Variants in TLE2 observed in about 807,000 individuals in gnomAD.
TLE2 encodes the protein TLE family member 2, transcriptional corepressor, also known as transducin-like enhancer protein 2.
Under a neutral mutation model 97.2 loss-of-function variants are expected in TLE2, and 74 were observed. The ratio of observed to expected loss-of-function variants is 0.76; its 90% CI spans 0.63 to 0.92. TLE2 has a LOEUF of 0.92. Among genes scored for constraint, TLE2 ranks in the 40% least tolerant of loss-of-function variants. The pLI is 0.00. For synonymous variants in TLE2, 499 were observed against 432.1 expected (o/e 1.15, Z -1.92); for missense variants, 1,038 against 1,008.7 (o/e 1.03, Z -0.39).
chr19:3,045,408 G>A, intron 1 of TLE2, among the ~76,000 whole-genome samples: 1 of 152,166 alleles, frequency 6.6e-6, no homozygotes, highest in Non-Finnish European at 1.5e-5. Context: ...TCCAAGGTCA[G>A]CCCTGCCTCA....
chr19:3,026,454 T>TAAAA (rs1568249444), intron 4 of TLE2, among the ~76,000 whole-genome samples: 5 of 104,538 alleles, frequency 4.8e-5, no homozygotes, highest in African/African-American at 2.0e-4. Context: ...GTCTCAAAAT[T>TAAAA]TAAAAAAAAA....
At position 3,013,741 on chromosome 19, in the gene TLE2, G is replaced by A; in HGVS notation, c.801C>T (p.Asp267=). ...CCAAGGAGGCTGGACTGTCCACCAGGTCCCGACGGGCAGGAATGCAGATGG... is the reference window on the plus strand; with the variant it reads ...CCAAGGAGGCTGGACTGTCCACCAGATCCCGACGGGCAGGAATGCAGATGG... The part of the protein sequence containing the change: ...KVPICIPARR[D]LVDSPASLAS... Residue 267 remains aspartate, a synonymous_variant, in exon 11 of 20, where the codon GAC becomes GAT. Transcript: ENST00000262953. The A allele has an allele frequency of 1.3e-6, 2 of 1,562,544 alleles. No individual in the cohort carries two copies. Among genetic ancestry groups the A allele is most frequent in the Non-Finnish European group, 1.7e-6 (2 of 1,156,526 alleles).
chr19:3,019,639 G>C lies in TLE2; in HGVS notation c.369+60C>G. 1 of 1,572,926 alleles carries C rather than the reference G, an allele frequency of 6.4e-7. No individual in the cohort carries two copies. Among genetic ancestry groups the C allele is most frequent in the Non-Finnish European group, 8.6e-7 (1 of 1,158,998 alleles). ...CCCAGCTTTAACACCTCCTGGGTGGGTGCCAGGGACCTGGGAGTGGGCGTC... is the reference window on the plus strand; with the variant it reads ...CCCAGCTTTAACACCTCCTGGGTGGCTGCCAGGGACCTGGGAGTGGGCGTC... On this transcript the variant is annotated intron_variant, in intron 6 of 19. Transcript: ENST00000262953. This position sits in a 1 kb window ranked among gnomAD's most constrained non-coding sequence, Gnocchi z 5.1.
intron 3 of TLE2, 46 bp downstream of exon 3, chr19:3,028,273 G>A (rs763262572): frequency 1.3e-6 from 2 of 1,566,494 alleles, no homozygotes; most frequent in Non-Finnish European, 1.7e-6. Context: ...GTGACTCAAA[G>A]CCCTGCCCGC....
At chr19:3,009,887 C>CTCTTTTTT (rs764492373) in intron 12 of TLE2, among the ~76,000 whole-genome samples, 185 bp from the exon 13 acceptor site, 21,024 of 147,882 alleles carry the variant, frequency 0.14, 1,617 homozygotes, top group East Asian at 0.22. Flanking sequence ...TTCTCTCTCT[C>CTCTTTTTT]TTTTTTTCTT....
intron 9 of TLE2, among the ~76,000 whole-genome samples, chr19:3,015,275 C>T (rs1042772992): frequency 5.3e-5 from 8 of 152,122 alleles, no homozygotes; most frequent in Admixed American, 3.9e-4. Flanking sequence ...AGTGTGCAGC[C>T]GTCTGGCAAT....
At position 3,019,470 on chromosome 19, in the gene TLE2, G is replaced by T. The variant is rs1406683886; in HGVS notation, c.370-7C>A. Reference sequence around the variant, plus strand: ...ACAGCGGCTGGAGCTGCTGCTGCTAGAAAGGAGGCAGGATGGGCCGGGGCG... The same window carrying T: ...ACAGCGGCTGGAGCTGCTGCTGCTATAAAGGAGGCAGGATGGGCCGGGGCG... On this transcript the variant is annotated splice_region_variant and splice_polypyrimidine_tract_variant and intron_variant, in intron 6 of 19. Transcript: ENST00000262953. This position sits in a 1 kb window ranked among gnomAD's most constrained non-coding sequence, Gnocchi z 5.1. The T allele has an allele frequency of 1.3e-6, 2 of 1,509,776 alleles. No homozygotes were observed. Among genetic ancestry groups the T allele is most frequent in the South Asian group, 2.5e-5 (2 of 79,654 alleles). 93.5% of individuals were successfully genotyped at this position (1,509,776 alleles called of 1,614,324 possible).
intron 17 of TLE2, among the ~76,000 whole-genome samples, chr19:3,003,080 C>A (rs574354961): frequency 5.7e-4 from 83 of 145,620 alleles, no homozygotes; most frequent in African/African-American, 2.3e-3. Context: ...CTCTTCAGCA[C>A]CCCCCTAGAG....
rs1310451880 is a variant in TLE2 at position 3,005,709 on chromosome 19, C to T, written c.1748+12G>A. 2 of 1,610,988 alleles carry T rather than the reference C, an allele frequency of 1.2e-6. No individual in the cohort carries two copies. The highest frequency in any genetic ancestry group is 2.7e-5 in the African/African-American group (2 of 74,856). On this transcript the variant is annotated intron_variant, in intron 16 of 19. Transcript: ENST00000262953. ...GGGGCTTGCCCAAGGTCCCAGCGCA[C>T]CTGCCACCCACCTGACCATAGTCTG...
At chr19:3,013,492 G>A (rs1283902353) in intron 11 of TLE2, among the ~76,000 whole-genome samples, 177 bp downstream of exon 11, 1 of 151,920 alleles carries the variant, frequency 6.6e-6, no homozygotes, top group African/African-American at 2.4e-5. Context: ...TATTTACTGA[G>A]GTTCAACAAA....
intron 17 of TLE2, among the ~76,000 whole-genome samples, chr19:3,004,728 T>C (rs1467036848): frequency 6.6e-6 from 1 of 151,590 alleles, no homozygotes; most frequent in Non-Finnish European, 1.5e-5. Flanking sequence ...GTTTGCCAAT[T>C]ACAGAAAGAA....
At chr19:3,027,183 C>G (rs930729000) in intron 4 of TLE2, among the ~76,000 whole-genome samples, 5 of 152,290 alleles carry the variant, frequency 3.3e-5, no homozygotes, top group African/African-American at 1.2e-4. Flanking sequence ...AAGTCTGTCT[C>G]AGAACCTTGG....
chr19:3,006,586 G>T lies in TLE2; in HGVS notation c.1334C>A (p.Pro445Gln). 1 of 1,606,716 alleles carries T rather than the reference G, an allele frequency of 6.2e-7. No individual in the cohort carries two copies. The highest frequency in any genetic ancestry group is 2.2e-5 in the East Asian group (1 of 44,504). Residue 445 changes from proline to glutamine, a missense_variant, in exon 15 of 20, where the codon CCG becomes CAG. By Grantham distance (76) the Pro-to-Gln change is moderately conservative (BLOSUM62 -1). Transcript: ENST00000262953. The stretch of plus-strand genomic sequence containing the variant: ...CGTGTGCAGCTGCCGGGCGTGCCGC[G>T]GGATGCCCGCGCCTACCAGTGCATC... ...PSDALVGAGI[P>Q]RHARQLHTLA...
chr19:3,044,944 G>A (rs1443192691), intron 1 of TLE2, among the ~76,000 whole-genome samples: 2 of 152,194 alleles, frequency 1.3e-5, no homozygotes, highest in African/African-American at 2.4e-5. Context: ...AAAGCCGGGC[G>A]CGGTGGCTCA....
chr19:3,033,894 A>T (rs1253874246), upstream of TLE2, among the ~76,000 whole-genome samples: 1 of 151,536 alleles, frequency 6.6e-6, no homozygotes, highest in African/African-American at 2.4e-5. Flanking sequence ...GTCCTTCCTT[A>T]GCCCGGTCAC....
chr19:3,008,896 G>A lies in TLE2; in HGVS notation c.1223C>T (p.Ser408Phe), dbSNP rs1181795574. Residue 408 changes from serine to phenylalanine, a missense_variant, in exon 14 of 20, where the codon TCC becomes TTC. Physicochemically the swap from Ser to Phe is radical, Grantham distance 155. Transcript: ENST00000262953. ...PHLRGSSVSS[S>F]LPSIPGGKPA... ...CTTTCCCCCAGGGATGCTGGGTAGG[G>A]AGGAAGAGACGGATGACCCTCGGAG... 1.3e-6 allele frequency: 2 copies of A among 1,594,698 alleles called. No individual in the cohort carries two copies. The highest frequency in any genetic ancestry group is 1.7e-6 in the Non-Finnish European group (2 of 1,170,832).
upstream of TLE2, among the ~76,000 whole-genome samples, chr19:3,031,126 G>A (rs1354478376): frequency 1.3e-5 from 2 of 152,098 alleles, no homozygotes; most frequent in Non-Finnish European, 2.9e-5. Flanking sequence ...TGACAGGCTA[G>A]GCAGGTTCAC....
intron 19 of TLE2, among the ~76,000 whole-genome samples, chr19:2,998,571 C>G (rs924005351): frequency 1.3e-5 from 2 of 152,118 alleles, no homozygotes; most frequent in Non-Finnish European, 2.9e-5. Flanking sequence ...AGCCACCGCA[C>G]CCGGCCTAAT....
chr19:3,028,910 C>A lies in TLE2; in HGVS notation c.-6G>T. On this transcript the variant is annotated 5_prime_UTR_variant, in exon 1 of 20. Coordinates refer to ENST00000262953, the MANE Select transcript of TLE2 (RefSeq NM_003260.5). ...TGCCTTCCCTGGGGGTACATCCTGC[C>A]GATCCGAAAAGCCCCCCAGGCGCCA... is the stretch of plus-strand genomic sequence containing the variant. The A allele has an allele frequency of 1.9e-6, 3 of 1,609,982 alleles. No individual in the cohort carries two copies. The highest frequency in any genetic ancestry group is 2.5e-6 in the Non-Finnish European group (3 of 1,179,410).
Sources: allele counts gnomAD v4.1 joint callset (sites outside exome capture counted in the v4.1 genomes callset), GRCh38; gene constraint gnomAD v4.1.1; non-coding constraint Gnocchi (gnomAD v3.1); transcripts MANE v1.5; gene names NCBI Gene and HGNC (gene_info 2026-07-23, HGNC 2026-07-21).